KIF13A: variants seen among roughly 807,000 people sequenced by gnomAD.
The protein encoded by KIF13A is kinesin family member 13A, also known as kinesin-like protein KIF13A.
A neutral mutation model predicts 212.2 loss-of-function variants in KIF13A; 79 were observed. The observed-to-expected ratio is 0.37, with a 90% CI of 0.31 to 0.45. KIF13A has a LOEUF of 0.45. Among genes scored for constraint, KIF13A ranks in the 20% least tolerant of loss-of-function variants. The pLI, the probability that KIF13A is intolerant of heterozygous loss-of-function variation, is 1.00. For missense variants in KIF13A, 1,901 were observed against 2,209.0 expected, an observed-to-expected ratio of 0.86 and a Z score of 2.79; for synonymous variants, 789 against 808.6, an observed-to-expected ratio of 0.98 and a Z score of 0.41.
chr6:17,952,217 T>C (rs1262293838), intron 2 of KIF13A, among the ~76,000 whole-genome samples: 1 of 146,826 alleles, frequency 6.8e-6, no homozygotes, highest in Non-Finnish European at 1.5e-5. Flanking sequence ...GGCAGGAAGA[T>C]GGCATGAACC....
intron 9 of KIF13A, among the ~76,000 whole-genome samples, chr6:17,842,822 T>C (rs920923595): frequency 1.3e-5 from 2 of 150,896 alleles, no homozygotes; most frequent in South Asian, 2.1e-4. Flanking sequence ...CTCCAATAAA[T>C]ATAATCAGTG....
At chr6:17,880,872 G>T (rs747600310) in intron 3 of KIF13A, among the ~76,000 whole-genome samples, 2 of 151,804 alleles carry the variant, frequency 1.3e-5, no homozygotes, top group Non-Finnish European at 2.9e-5. Flanking sequence ...CTCCCACCTC[G>T]ACCTCCCAAA....
chr6:17,917,469 G>A (rs534009850), intron 2 of KIF13A, among the ~76,000 whole-genome samples: 7 of 152,036 alleles, frequency 4.6e-5, no homozygotes, highest in Admixed American at 3.9e-4. Context: ...TCAAACCCCT[G>A]GCCTCAAGTT....
At chr6:17,975,579 G>A (rs570202193) in intron 2 of KIF13A, among the ~76,000 whole-genome samples, 88 of 152,242 alleles carry the variant, frequency 5.8e-4, no homozygotes, top group African/African-American at 1.9e-3. Flanking sequence ...AACAAAACGC[G>A]AACAAGTTAC....
intron 2 of KIF13A, among the ~76,000 whole-genome samples, chr6:17,928,946 A>G (rs1775726772): frequency 6.6e-6 from 1 of 151,968 alleles, no homozygotes. Context: ...ATGTAAGATC[A>G]TAGACACTAT....
chr6:17,901,081 C>CA (rs34266366), intron 2 of KIF13A, among the ~76,000 whole-genome samples: 707 of 69,840 alleles, frequency 0.01, 9 homozygotes, highest in African/African-American at 0.017. Flanking sequence ...GACTCTGTCT[C>CA]AAAAAAAAAA....
At chr6:17,864,053 G>A (rs995736576) in intron 4 of KIF13A, among the ~76,000 whole-genome samples, 1 of 152,136 alleles carries the variant, frequency 6.6e-6, no homozygotes, top group Non-Finnish European at 1.5e-5. Flanking sequence ...ATTTGTCTAG[G>A]GGAAAGCATA....
At chr6:17,800,456 A>G (rs1438061397) in intron 20 of KIF13A, among the ~76,000 whole-genome samples, 1 of 151,388 alleles carries the variant, frequency 6.6e-6, no homozygotes, top group Non-Finnish European at 1.5e-5. Context: ...TGTTTTTCCA[A>G]GATGGAGTCT....
chr6:17,774,932 C>CA (rs970851431), intron 35 of KIF13A, 83 bp downstream of exon 35: 15 of 1,046,980 alleles, frequency 1.4e-5, no homozygotes, highest in Non-Finnish European at 2.0e-5. Context: ...AGGTGAGGCC[C>CA]AGAGATTTTA....
Position 17,961,981 on chromosome 6 carries a change from G to C in KIF13A, c.146+25073C>G, listed in dbSNP as rs1387421676. Among the ~76,000 whole-genome samples, 3 of 152,104 alleles carry C rather than the reference G, an allele frequency of 2.0e-5. 1 individual carries two copies. Among genetic ancestry groups the C allele is most frequent in the Admixed American group, 1.3e-4 (2 of 15,266 alleles). On this transcript the variant is annotated intron_variant, in intron 2 of 38. Transcript: ENST00000259711. This position sits in a 1 kb window ranked among gnomAD's most constrained non-coding sequence, Gnocchi z 4.1. Reference sequence around the variant, plus strand: ...CGGGCAATGGTTTTTCTTTTGTGTGGCACCTACATACCAATGTGTCTTATA... The same window carrying C: ...CGGGCAATGGTTTTTCTTTTGTGTGCCACCTACATACCAATGTGTCTTATA...
At chr6:17,939,569 T>C (rs1461695881) in intron 2 of KIF13A, among the ~76,000 whole-genome samples, 2 of 152,148 alleles carry the variant, frequency 1.3e-5, no homozygotes, top group Non-Finnish European at 2.9e-5. Context: ...CCCAGGAGGT[T>C]AGGCATTCTA....
chr6:17,782,833 C>T (rs889374040), intron 29 of KIF13A, among the ~76,000 whole-genome samples: 2 of 152,270 alleles, frequency 1.3e-5, no homozygotes, highest in African/African-American at 4.8e-5. Context: ...CTTCCAACAT[C>T]CTATCCAATA....
intron 2 of KIF13A, among the ~76,000 whole-genome samples, chr6:17,983,866 G>A (rs553219161): frequency 6.6e-6 from 1 of 152,246 alleles, no homozygotes; most frequent in African/African-American, 2.4e-5. Flanking sequence ...ATGTGTTGCA[G>A]GTATGCTTTC....
chr6:17,911,140 T>C (rs907788701), intron 2 of KIF13A, among the ~76,000 whole-genome samples: 2 of 152,220 alleles, frequency 1.3e-5, no homozygotes, highest in Non-Finnish European at 2.9e-5. Context: ...GGTATAACAG[T>C]TTATAAATAT....
rs376646474 is a variant in KIF13A, at chr6:17,836,930, C to T, written c.1103G>A (p.Arg368Gln). The T allele has an allele frequency of 2.4e-5, 38 of 1,613,838 alleles. No individual in the cohort carries two copies. The African/African-American group carries it at 3.1e-4, about 13-fold the overall frequency. ...VNEDPNAKVI[R>Q]ELREEVEKLR... ...TTTCTCGACTTCCTCCCGCAGTTCT[C>T]GGATCACTTTTGCGTTGGGGTCCTC... Residue 368 changes from arginine to glutamine, a missense_variant, in exon 11 of 39, where the codon CGA becomes CAA. Arg to Gln is a conservative substitution (Grantham distance 43). Transcript: ENST00000259711.
At chr6:17,801,902 C>T (rs1762501406) in intron 20 of KIF13A, among the ~76,000 whole-genome samples, 1 of 152,188 alleles carries the variant, frequency 6.6e-6, no homozygotes, top group Non-Finnish European at 1.5e-5. Flanking sequence ...ATCATGGTGG[C>T]TCTCTGGATA....
rs923924069 is a variant in KIF13A, at chr6:17,918,458, C to G, written c.147-20278G>C. ...ATGATTATTTTATGTCTGTTAACTACTAATTTGGAGTCCTTTTCACAGGAA... is the reference window on the plus strand; with the variant it reads ...ATGATTATTTTATGTCTGTTAACTAGTAATTTGGAGTCCTTTTCACAGGAA... On this transcript the variant is annotated intron_variant, in intron 2 of 38. Coordinates refer to ENST00000259711, the MANE Select transcript of KIF13A (RefSeq NM_022113.6). The surrounding 1 kb of genome is among the most constrained non-coding windows in gnomAD (Gnocchi z 4.8). Among the ~76,000 whole-genome samples the G allele has an allele frequency of 1.3e-5, 2 of 152,216 alleles. No individual in the cohort carries two copies. Among genetic ancestry groups the G allele is most frequent in the South Asian group, 2.1e-4 (1 of 4,826 alleles).
chr6:17,899,039 G>C lies in KIF13A; in HGVS notation c.147-859C>G, dbSNP rs1772827957. On this transcript the variant is annotated intron_variant, in intron 2 of 38. Coordinates refer to ENST00000259711, the MANE Select transcript of KIF13A (RefSeq NM_022113.6). The surrounding 1 kb of genome is among the most constrained non-coding windows in gnomAD (Gnocchi z 5.2). ...CTTAAGAGACACTATGTTGCCCCAG[G>C]CTGGTCTCAAACTCCTGACCTCAAG... 6.6e-6 allele frequency among the ~76,000 whole-genome samples: 1 copy of C among 152,002 alleles called. No homozygotes were observed. The highest frequency in any genetic ancestry group is 1.5e-5 in the Non-Finnish European group (1 of 68,008).
At chr6:17,784,761 A>G (rs983425261) in intron 28 of KIF13A, among the ~76,000 whole-genome samples, 1 of 152,198 alleles carries the variant, frequency 6.6e-6, no homozygotes, top group African/African-American at 2.4e-5. Flanking sequence ...AATTACCGCA[A>G]GAGACCTACA....
Sources: gnomAD v4.1 joint callset for allele counts (sites outside exome capture counted in the v4.1 genomes callset) on GRCh38, gnomAD v4.1.1 for gene constraint, Gnocchi (gnomAD v3.1) non-coding constraint, MANE v1.5 for transcripts, NCBI Gene and HGNC (gene_info 2026-07-23, HGNC 2026-07-21) for gene names.